Variants in TANGO6 observed in about 807,000 individuals in gnomAD.
The protein encoded by TANGO6 is transport and golgi organization 6 homolog.
A neutral mutation model predicts 114.2 loss-of-function variants in TANGO6; 90 were observed. The observed-to-expected ratio is 0.79, with a 90% confidence interval of 0.66 to 0.94. TANGO6 has a LOEUF of 0.94. TANGO6 is among the 40% of genes least tolerant of loss of function. The pLI, the probability that TANGO6 is intolerant of heterozygous loss-of-function variation, is 0.00. For synonymous variants in TANGO6, 477 were observed against 509.8 expected, an observed-to-expected ratio of 0.94 and a Z score of 0.87; for missense variants, 1,274 against 1,315.3, an observed-to-expected ratio of 0.97 and a Z score of 0.49.
chr16:68,878,153 A>G lies in TANGO6; in HGVS notation c.1167A>G (p.Thr389=). The G allele has an allele frequency of 6.2e-7, 1 of 1,611,228 alleles. No homozygotes were observed. Among genetic ancestry groups the G allele is most frequent in the African/African-American group, 1.3e-5 (1 of 74,956 alleles). ...TATTTCACTTTCAAGATAAATTGAC[A>G]GCACGACAATTTCAGAGAGTTGCCA... ...LDLFHFQDKL[T]ARQFQRVATT... Residue 389 remains threonine, a synonymous_variant, in exon 6 of 18, where the codon ACA becomes ACG. Coordinates refer to ENST00000261778, the MANE Select transcript of TANGO6 (RefSeq NM_024562.2).
chr16:69,064,532 A>C (rs1187291794), intron 17 of TANGO6, among the ~76,000 whole-genome samples: 1 of 152,160 alleles, frequency 6.6e-6, no homozygotes, highest in African/African-American at 2.4e-5. Flanking sequence ...CCATCCAAAT[A>C]AACAACTTTT....
intron 12 of TANGO6, among the ~76,000 whole-genome samples, chr16:68,919,651 A>T (rs1428379027): frequency 1.6e-4 from 25 of 152,198 alleles, no homozygotes; most frequent in Non-Finnish European, 3.5e-4. Flanking sequence ...TTCATCCCTT[A>T]TCAGGTAGCA....
Position 68,854,270 on chromosome 16 carries a change from A to G in TANGO6, c.95-5614A>G, listed in dbSNP as rs1005563235. On this transcript the variant is annotated intron_variant, in intron 1 of 17. Coordinates refer to ENST00000261778, the MANE Select transcript of TANGO6 (RefSeq NM_024562.2). Reference sequence around the variant, plus strand: ...GGAGTTCAAGACCAGCCTGGGCAACATAGTGAGACCTCATCTCTATAAATA... The same window carrying G: ...GGAGTTCAAGACCAGCCTGGGCAACGTAGTGAGACCTCATCTCTATAAATA... 3.3e-5 allele frequency among the ~76,000 whole-genome samples: 5 copies of G among 152,138 alleles called. No homozygotes were observed. In the East Asian group the frequency reaches 7.7e-4, roughly 23 times the overall value.
At chr16:68,969,492 C>T (rs1218981083) in intron 14 of TANGO6, among the ~76,000 whole-genome samples, 1 of 151,922 alleles carries the variant, frequency 6.6e-6, no homozygotes, top group Non-Finnish European at 1.5e-5. Flanking sequence ...GCACCTGTAT[C>T]CTAGAAGGTA....
chr16:69,047,474 C>A (rs1053110835), intron 17 of TANGO6, among the ~76,000 whole-genome samples: 3 of 151,244 alleles, frequency 2.0e-5, no homozygotes, highest in Non-Finnish European at 4.4e-5. Flanking sequence ...CAGCTTGGGT[C>A]CATCTCAAAG....
chr16:68,867,475 A>G (rs550217109), intron 4 of TANGO6: 2 of 385,364 alleles, frequency 5.2e-6, no homozygotes, highest in East Asian at 4.9e-5. Context: ...GCCATTTCAA[A>G]TAATTTATAC....
At chr16:68,900,145 A>G (rs1962762815) in intron 7 of TANGO6, 1 of 328,038 alleles carries the variant, frequency 3.0e-6, no homozygotes, top group South Asian at 1.4e-4. Flanking sequence ...GACATAGCCA[A>G]AAGTAGGAAA....
intron 14 of TANGO6, among the ~76,000 whole-genome samples, chr16:68,972,633 AG>A (rs1963718427): frequency 6.6e-6 from 1 of 152,150 alleles, no homozygotes; most frequent in African/African-American, 2.4e-5. Context: ...GGACTCTTCT[AG>A]GCATTGGGGA....
intron 11 of TANGO6, among the ~76,000 whole-genome samples, chr16:68,912,634 C>T (rs539402906): frequency 2.5e-4 from 38 of 151,448 alleles, no homozygotes; most frequent in African/African-American, 9.0e-4. Context: ...AGCAAAACTC[C>T]GTCTCAAAAA....
intron 17 of TANGO6, among the ~76,000 whole-genome samples, chr16:69,047,180 C>CA (rs11435479): frequency 0.39 from 40,947 of 104,342 alleles, 8,113 homozygotes; most frequent in East Asian, 0.56. Flanking sequence ...GACTCTGTCT[C>CA]AAAAAAAAAA....
At chr16:68,861,353 C>G (rs547928678) in intron 2 of TANGO6, among the ~76,000 whole-genome samples, 1 of 152,360 alleles carries the variant, frequency 6.6e-6, no homozygotes, top group South Asian at 2.1e-4. Context: ...TGTCACCCGC[C>G]TGTGTCATCG....
At position 68,892,544 on chromosome 16, in the gene TANGO6, CTG is replaced by C. The variant is rs531119676; in HGVS notation, c.1378-7888_1378-7887del. ...TTTTTTTTTGAGACGGAGTCTCTGT[CTG>C]TTGCCCAGGCTGGAGTGCAGTGGTG... On this transcript the variant is annotated intron_variant, in intron 7 of 17. Coordinates refer to ENST00000261778, the MANE Select transcript of TANGO6 (RefSeq NM_024562.2). Among the ~76,000 whole-genome samples, 17 of 145,666 alleles carry C rather than the reference CTG, an allele frequency of 1.2e-4. No homozygotes were observed. The East Asian group carries it at 2.8e-3, about 24-fold the overall frequency.
intron 7 of TANGO6, among the ~76,000 whole-genome samples, chr16:68,891,898 G>C (rs1962627164): frequency 6.8e-6 from 1 of 146,354 alleles, no homozygotes; most frequent in Non-Finnish European, 1.5e-5. Flanking sequence ...GAAGGAGGGA[G>C]GGAGAGAGGA....
At chr16:68,892,122 CCAGGTTCA>C (rs1170364141) in intron 7 of TANGO6, among the ~76,000 whole-genome samples, 1 of 152,210 alleles carries the variant, frequency 6.6e-6, no homozygotes, top group African/African-American at 2.4e-5. Context: ...AGACACTTTG[CCAGGTTCA>C]CAAATACAGA....
intron 5 of TANGO6, among the ~76,000 whole-genome samples, chr16:68,875,959 AAG>A (rs1300708558): frequency 3.9e-5 from 6 of 152,272 alleles, no homozygotes; most frequent in Middle Eastern, 6.8e-3. Context: ...AAAAGCATAA[AAG>A]AGTAAACCGA....
intron 5 of TANGO6, among the ~76,000 whole-genome samples, chr16:68,877,297 G>A (rs1265787633): frequency 2.0e-5 from 3 of 151,840 alleles, no homozygotes; most frequent in Admixed American, 6.6e-5. Flanking sequence ...GTGAAACCCC[G>A]TCTCTACTAA....
Position 69,010,651 on chromosome 16 carries a change from G to A in TANGO6, c.2843-12177G>A, listed in dbSNP as rs574314995. ...TACCATTCTTCAAGATTAGGTTTAAGTGCTCCCTCCTCCATGAAATCTTCC... is the reference window on the plus strand; with the variant it reads ...TACCATTCTTCAAGATTAGGTTTAAATGCTCCCTCCTCCATGAAATCTTCC... On this transcript the variant is annotated intron_variant, in intron 15 of 17. Transcript: ENST00000261778. Among the ~76,000 whole-genome samples, 10 of 152,170 alleles carry A rather than the reference G, an allele frequency of 6.6e-5. 1 individual carries two copies. The highest frequency in any genetic ancestry group is 5.9e-4 in the Admixed American group (9 of 15,274).
chr16:68,868,867 C>T (rs1473589045), intron 4 of TANGO6, among the ~76,000 whole-genome samples: 4 of 152,114 alleles, frequency 2.6e-5, no homozygotes, highest in Admixed American at 6.6e-5. Context: ...TACCTCTCAC[C>T]ATGTGTGGAA....
At chr16:68,875,322 G>T in intron 5 of TANGO6, 32 bp downstream of exon 5, 1 of 1,600,640 alleles carries the variant, frequency 6.2e-7, no homozygotes, top group Non-Finnish European at 8.5e-7. Context: ...GATCATTTGA[G>T]GATTATCTGC....
Sources: gnomAD v4.1 joint callset for allele counts (sites outside exome capture counted in the v4.1 genomes callset) on GRCh38, gnomAD v4.1.1 for gene constraint, MANE v1.5 for transcripts, NCBI Gene and HGNC (gene_info 2026-07-23, HGNC 2026-07-21) for gene names.